Variants in DSCAM observed in about 807,000 individuals in gnomAD.
The protein encoded by DSCAM is DS cell adhesion molecule, also known as cell adhesion molecule DSCAM.
In DSCAM, 47 loss-of-function variants were observed where a neutral mutation model predicts 217.7. The observed-to-expected ratio is 0.22, with a 90% CI of 0.17 to 0.28. The LOEUF (loss-of-function observed/expected upper bound fraction) is 0.28, where lower values mean the gene tolerates loss of function less well. Among genes scored for constraint, DSCAM ranks in the 10% least tolerant of loss-of-function variants. The pLI is 1.00. For synonymous variants in DSCAM, 1,056 were observed against 1,015.3 expected (o/e 1.04, Z -0.76); for missense variants, 2,080 against 2,618.3 (o/e 0.79, Z 4.49).
intron 3 of DSCAM, among the ~76,000 whole-genome samples, chr21:40,489,911 G>C (rs2837660): frequency 0.51 from 77,365 of 151,750 alleles, 20,139 homozygotes; most frequent in African/African-American, 0.61. Context: ...AGGATACAAC[G>C]TAAGATTTTG....
intron 19 of DSCAM, among the ~76,000 whole-genome samples, chr21:40,129,125 G>C (rs1023226768): frequency 1.3e-5 from 2 of 152,106 alleles, no homozygotes; most frequent in African/African-American, 2.4e-5. Context: ...GCAGGTGTGT[G>C]TGTGACTTGT....
chr21:40,098,091 C>A (rs1382250997), intron 20 of DSCAM, among the ~76,000 whole-genome samples: 1 of 150,072 alleles, frequency 6.7e-6, no homozygotes, highest in Non-Finnish European at 1.5e-5. Flanking sequence ...TAACACTAAT[C>A]AAAAAAATAT....
chr21:40,571,888 C>T (rs1166839132), intron 3 of DSCAM, among the ~76,000 whole-genome samples: 2 of 152,152 alleles, frequency 1.3e-5, no homozygotes, highest in African/African-American at 2.4e-5. Flanking sequence ...CTGCACCTGG[C>T]CCAAAATCTG....
chr21:40,183,130 G>C (rs1233022854), intron 14 of DSCAM, among the ~76,000 whole-genome samples: 2 of 150,684 alleles, frequency 1.3e-5, no homozygotes, highest in Admixed American at 1.3e-4. Context: ...GGACAGGAGA[G>C]GCAACAAGAG....
chr21:40,388,014 TGAAA>T (rs2075102236), intron 3 of DSCAM, among the ~76,000 whole-genome samples: 1 of 151,902 alleles, frequency 6.6e-6, no homozygotes, highest in African/African-American at 2.4e-5. Flanking sequence ...AAGATACATA[TGAAA>T]GAAAGGTTAA....
intron 11 of DSCAM, among the ~76,000 whole-genome samples, chr21:40,267,189 T>G (rs974905702): frequency 2.0e-5 from 3 of 150,852 alleles, no homozygotes; most frequent in Non-Finnish European, 4.4e-5. Context: ...TAGAAAAAAT[T>G]AAAAAATGAA....
chr21:40,427,890 G>A (rs2075490936), intron 3 of DSCAM, among the ~76,000 whole-genome samples: 1 of 152,172 alleles, frequency 6.6e-6, no homozygotes, highest in Non-Finnish European at 1.5e-5. Flanking sequence ...CAGCACTGAG[G>A]CAGAAAGCCC....
At chr21:40,090,736 G>A (rs1019163048) in intron 21 of DSCAM, among the ~76,000 whole-genome samples, 3 of 152,092 alleles carry the variant, frequency 2.0e-5, no homozygotes, top group African/African-American at 7.2e-5. Flanking sequence ...AGGTGTAAGC[G>A]ATATCCAGAC....
intron 3 of DSCAM, among the ~76,000 whole-genome samples, chr21:40,571,660 C>A (rs1170283514): frequency 6.6e-6 from 1 of 152,192 alleles, no homozygotes; most frequent in Non-Finnish European, 1.5e-5. Context: ...ATTTAATATA[C>A]ATGTGTGTTT....
chr21:40,050,706 CT>C (rs1413825266), intron 30 of DSCAM, among the ~76,000 whole-genome samples: 1 of 152,178 alleles, frequency 6.6e-6, no homozygotes, highest in East Asian at 1.9e-4. Flanking sequence ...TGGTCTCAAT[CT>C]CCTGACCTCG....
intron 10 of DSCAM, among the ~76,000 whole-genome samples, chr21:40,280,227 G>A (rs1030828390): frequency 7.1e-6 from 1 of 141,704 alleles, no homozygotes; most frequent in Non-Finnish European, 1.5e-5. Flanking sequence ...TTTTGCCCAG[G>A]TTGGAGGGCA....
At chr21:40,081,693 T>C (rs1320630550) in intron 24 of DSCAM, among the ~76,000 whole-genome samples, 1 of 152,156 alleles carries the variant, frequency 6.6e-6, no homozygotes, top group Admixed American at 6.5e-5. Context: ...CTCTAATCCT[T>C]GGTGATAGGC....
chr21:40,326,077 T>C lies in DSCAM; in HGVS notation c.1783+12024A>G, dbSNP rs569633359. Reference sequence around the variant, plus strand: ...CCAGAAAATTAATTTAAAATAAATATATTAAGTACACATAAGTCTGTGCCT... The same window carrying C: ...CCAGAAAATTAATTTAAAATAAATACATTAAGTACACATAAGTCTGTGCCT... On this transcript the variant is annotated intron_variant, in intron 8 of 32. Transcript: ENST00000400454. Among the ~76,000 whole-genome samples the C allele has an allele frequency of 9.9e-5, 15 of 152,232 alleles. No individual in the cohort carries two copies. In the South Asian group the frequency reaches 2.7e-3, roughly 27 times the overall value.
At chr21:40,175,212 C>T (rs564160294) in intron 15 of DSCAM, among the ~76,000 whole-genome samples, 10 of 152,250 alleles carry the variant, frequency 6.6e-5, no homozygotes, top group South Asian at 4.1e-4. Context: ...AGGGTTCAAG[C>T]GATTCTCCTG....
chr21:40,212,096 A>G (rs995287151), intron 11 of DSCAM, among the ~76,000 whole-genome samples: 8 of 151,856 alleles, frequency 5.3e-5, no homozygotes, highest in Admixed American at 4.6e-4. Context: ...CAGCCTCCCA[A>G]GTAGCTGGGA....
intron 3 of DSCAM, among the ~76,000 whole-genome samples, chr21:40,408,499 G>A (rs2075297242): frequency 6.6e-6 from 1 of 151,996 alleles, no homozygotes; most frequent in African/African-American, 2.4e-5. Context: ...CATTCAGTTT[G>A]GGGAACACAT....
At chr21:40,214,782 A>C (rs1166348898) in intron 11 of DSCAM, among the ~76,000 whole-genome samples, 5 of 151,892 alleles carry the variant, frequency 3.3e-5, no homozygotes, top group Admixed American at 6.5e-5. Context: ...AAAAAGACAA[A>C]GGTCACTATA....
intron 3 of DSCAM, among the ~76,000 whole-genome samples, chr21:40,371,405 TAGAC>T (rs746223823): frequency 2.0e-4 from 28 of 141,974 alleles, no homozygotes; most frequent in South Asian, 5.1e-4. Context: ...TACAGTTTGA[TAGAC>T]AGAAAGGAAA....
At position 40,295,183 on chromosome 21, in the gene DSCAM, G is replaced by GA. The variant is rs78265167; in HGVS notation, c.2182+871dup. On this transcript the variant is annotated intron_variant, in intron 10 of 32. Coordinates refer to ENST00000400454, the MANE Select transcript of DSCAM (RefSeq NM_001389.5). ...CTAGATACTAGGTCTTAGGTTATTGGAAAAAAAAAAAGGTCATGATTGACT... is the reference window on the plus strand; with the variant it reads ...CTAGATACTAGGTCTTAGGTTATTGGAAAAAAAAAAAAGGTCATGATTGACT... Among the ~76,000 whole-genome samples, 356 of 142,268 alleles carry GA rather than the reference G, an allele frequency of 2.5e-3. 2 individuals carry two copies. Among genetic ancestry groups the GA allele is most frequent in the African/African-American group, 6.5e-3 (251 of 38,874 alleles). The allele number at this position is 142,268 out of a possible 152,430, so 93.3% of individuals were successfully genotyped here. A position where few individuals can be genotyped will look rare whatever the true frequency, so the allele number is the denominator to read the frequency against.
Sources: allele counts gnomAD v4.1 joint callset (sites outside exome capture counted in the v4.1 genomes callset), GRCh38; gene constraint gnomAD v4.1.1; transcripts MANE v1.5; gene names NCBI Gene and HGNC (gene_info 2026-07-23, HGNC 2026-07-21).